The following ANGPT1 variants were observed in gnomAD, a reference collection of about 807,000 sequenced individuals.
The protein encoded by ANGPT1 is angiopoietin 1, also known as angiopoietin-1.
ANGPT1 carries 17 observed loss-of-function variants against 62.2 expected under a neutral mutation model. The observed-to-expected ratio is 0.27, with a 90% CI of 0.19 to 0.41. The LOEUF is 0.41. Among genes scored for constraint, ANGPT1 ranks in the 10% least tolerant of loss-of-function variants. The pLI is 1.00. For synonymous variants in ANGPT1, 199 were observed against 198.9 expected (o/e 1.00, Z 0.00); for missense variants, 478 against 594.9 (o/e 0.80, Z 2.04).
intron 2 of ANGPT1, among the ~76,000 whole-genome samples, chr8:107,346,468 G>A (rs1403067543): frequency 6.6e-6 from 1 of 152,094 alleles, no homozygotes; most frequent in Non-Finnish European, 1.5e-5. Flanking sequence ...GCCCTAATAG[G>A]TAGATATATG....
chr8:107,466,861 G>T (rs1812213493), intron 1 of ANGPT1, among the ~76,000 whole-genome samples: 1 of 151,940 alleles, frequency 6.6e-6, no homozygotes, highest in Admixed American at 6.6e-5. Flanking sequence ...GCAGTGAGCA[G>T]CAACTATGCC....
At chr8:107,329,276 G>C (rs1052731590) in intron 3 of ANGPT1, among the ~76,000 whole-genome samples, 3 of 152,066 alleles carry the variant, frequency 2.0e-5, no homozygotes, top group Non-Finnish European at 4.4e-5. Flanking sequence ...CTGCTAGCAG[G>C]TGGTATGGTG....
intron 1 of ANGPT1, among the ~76,000 whole-genome samples, chr8:107,486,405 T>C (rs1233437779): frequency 6.6e-6 from 1 of 152,176 alleles, no homozygotes; most frequent in African/African-American, 2.4e-5. Context: ...GTGAGGCAAT[T>C]ATAACACTAT....
chr8:107,299,969 CTAGTTATATCTAGATATCTAG>C (rs1563557346), intron 5 of ANGPT1, among the ~76,000 whole-genome samples: 1 of 130,920 alleles, frequency 7.6e-6, no homozygotes, highest in African/African-American at 2.9e-5. Flanking sequence ...ATACTATATA[CTAGTTATATCTAGATATCTAG>C]ATATAACTAT....
chr8:107,262,496 G>T (rs1183826915), intron 8 of ANGPT1, among the ~76,000 whole-genome samples: 1 of 152,186 alleles, frequency 6.6e-6, no homozygotes, highest in Non-Finnish European at 1.5e-5. Flanking sequence ...ACATAGAGAT[G>T]AGTTTCTCTC....
At chr8:107,404,117 T>A (rs892734163) in intron 1 of ANGPT1, among the ~76,000 whole-genome samples, 3 of 152,152 alleles carry the variant, frequency 2.0e-5, no homozygotes, top group African/African-American at 7.2e-5. Context: ...AATTAAAATA[T>A]TTTAAAAGAG....
chr8:107,446,492 G>A (rs1175011521), intron 1 of ANGPT1, among the ~76,000 whole-genome samples: 1 of 152,118 alleles, frequency 6.6e-6, no homozygotes, highest in Non-Finnish European at 1.5e-5. Flanking sequence ...GGGCTATCAG[G>A]AAAATTGAAC....
intron 1 of ANGPT1, among the ~76,000 whole-genome samples, chr8:107,388,087 CTAAT>C (rs1178803539): frequency 6.6e-6 from 1 of 152,024 alleles, no homozygotes; most frequent in Non-Finnish European, 1.5e-5. Context: ...TATGAAGAAA[CTAAT>C]TCATATTTTC....
intron 1 of ANGPT1, among the ~76,000 whole-genome samples, chr8:107,381,169 G>T (rs1816629603): frequency 6.6e-6 from 1 of 152,182 alleles, no homozygotes; most frequent in Admixed American, 6.5e-5. Flanking sequence ...TCTTCAAATG[G>T]CTGTGGTAAA....
rs1813232598 is a variant in ANGPT1, at chr8:107,250,757, G to A, written c.*1098C>T. The A allele has an allele frequency of 6.6e-6, 1 of 152,024 alleles. No individual in the cohort carries two copies. The highest frequency in any genetic ancestry group is 2.4e-5 in the African/African-American group (1 of 41,400). 9.4% of individuals were successfully genotyped at this position (152,024 alleles called of 1,614,324 possible). ...CACTGGAACAGTGTGAATCTGGTAA[G>A]CATGTTTCAGTTAATTAGCAAAATT... On this transcript the variant is annotated 3_prime_UTR_variant, in exon 9 of 9. Transcript: ENST00000517746.
intron 5 of ANGPT1, among the ~76,000 whole-genome samples, chr8:107,296,824 A>G (rs1323523927): frequency 1.3e-5 from 2 of 152,084 alleles, no homozygotes; most frequent in Non-Finnish European, 2.9e-5. Flanking sequence ...GCAAAGCTGT[A>G]AAGTCCACTT....
intron 1 of ANGPT1, among the ~76,000 whole-genome samples, chr8:107,450,134 G>A (rs566775740): frequency 2.9e-4 from 44 of 152,152 alleles, no homozygotes; most frequent in Admixed American, 1.5e-3. Context: ...AAAATGACCT[G>A]AGAACTAAAA....
chr8:107,373,594 T>A (rs1462287376), intron 1 of ANGPT1, among the ~76,000 whole-genome samples: 4 of 152,198 alleles, frequency 2.6e-5, no homozygotes, highest in Non-Finnish European at 4.4e-5. Flanking sequence ...AAGATACTAT[T>A]TACCACTTGA....
chr8:107,261,744 T>C (rs1019865277), intron 8 of ANGPT1, among the ~76,000 whole-genome samples: 2 of 151,252 alleles, frequency 1.3e-5, no homozygotes, highest in Admixed American at 6.6e-5. Flanking sequence ...TGATAGAATA[T>C]GATAGAGGCA....
At chr8:107,489,732 G>A (rs1221796565) in intron 1 of ANGPT1, among the ~76,000 whole-genome samples, 1 of 152,096 alleles carries the variant, frequency 6.6e-6, no homozygotes, top group Non-Finnish European at 1.5e-5. Context: ...AAGAGAGGGG[G>A]CACATCTTTT....
intron 1 of ANGPT1, among the ~76,000 whole-genome samples, chr8:107,414,090 G>A (rs894111427): frequency 5.3e-5 from 8 of 152,056 alleles, no homozygotes; most frequent in African/African-American, 1.9e-4. Flanking sequence ...ATGGGTATAG[G>A]GTTTATGATA....
chr8:107,465,957 C>T (rs1047129202), intron 1 of ANGPT1, among the ~76,000 whole-genome samples: 6 of 152,132 alleles, frequency 3.9e-5, no homozygotes, highest in Admixed American at 1.3e-4. Flanking sequence ...GGACTTCTAT[C>T]TGGGAGGGCT....
chr8:107,379,221 A>T (rs1816588550), intron 1 of ANGPT1, among the ~76,000 whole-genome samples: 1 of 152,084 alleles, frequency 6.6e-6, no homozygotes, highest in Non-Finnish European at 1.5e-5. Context: ...TCTTTAAATT[A>T]TCTCCTTAAA....
intron 3 of ANGPT1, among the ~76,000 whole-genome samples, chr8:107,323,631 G>A (rs1815208435): frequency 6.6e-6 from 1 of 152,110 alleles, no homozygotes; most frequent in Non-Finnish European, 1.5e-5. Context: ...GTGCCATCCT[G>A]GTAGATGCCA....
Sources: gnomAD v4.1 joint callset for allele counts (sites outside exome capture counted in the v4.1 genomes callset) on GRCh38, gnomAD v4.1.1 for gene constraint, MANE v1.5 for transcripts, NCBI Gene and HGNC (gene_info 2026-07-23, HGNC 2026-07-21) for gene names.